BCL7A: variants seen among roughly 807,000 people sequenced by gnomAD.
The protein encoded by BCL7A is BAF chromatin remodeling complex subunit BCL7A, also known as B-cell CLL/lymphoma 7 protein family member A.
Under a neutral mutation model 28.4 loss-of-function variants are expected in BCL7A, and 11 were observed. The ratio of observed to expected loss-of-function variants is 0.39; its 90% CI spans 0.24 to 0.64. BCL7A has a LOEUF of 0.64. BCL7A is among the 30% of genes least tolerant of loss of function. The probability of loss-of-function intolerance (pLI) is 0.50; values close to 1 mark genes in which losing one functional copy is unlikely to be tolerated. For synonymous variants in BCL7A, 123 were observed against 103.3 expected (o/e 1.19, Z -1.15); for missense variants, 222 against 274.8 (o/e 0.81, Z 1.36).
intron 1 of BCL7A, among the ~76,000 whole-genome samples, chr12:122,022,651 C>T (rs1883492483): frequency 6.8e-6 from 1 of 146,356 alleles, no homozygotes; most frequent in South Asian, 2.1e-4. Context: ...CCGCCGTCTC[C>T]TCCCCGCGCA....
chr12:122,047,954 A>T (rs1593033318), intron 4 of BCL7A, among the ~76,000 whole-genome samples: 1 of 125,734 alleles, frequency 8.0e-6, no homozygotes, highest in Non-Finnish European at 1.6e-5. Context: ...CCCAGGCTGG[A>T]GTGCAATGGT....
At chr12:122,053,471 C>G (rs1010129660) in intron 4 of BCL7A, among the ~76,000 whole-genome samples, 6 of 152,148 alleles carry the variant, frequency 3.9e-5, no homozygotes, top group African/African-American at 1.2e-4. Flanking sequence ...TTATTTTCCC[C>G]TTTGTTATTA....
chr12:122,043,959 C>G lies in BCL7A; in HGVS notation c.345C>G (p.Pro115=), dbSNP rs141114357. The change falls in exon 4 of 6, where the codon CCC becomes CCG. Residue 115 remains proline, a synonymous_variant. Transcript: ENST00000261822. ...IKQENSSNSS[P]APEPNSAVPS... ...AGGAGAACAGCAGCAACTCCAGCCC[C>G]GCTCCAGAGCCCAACTCGGCTGTGC... 6.2e-7 allele frequency: 1 copy of G among 1,613,852 alleles called. No homozygotes were observed. The highest frequency in any genetic ancestry group is 8.5e-7 in the Non-Finnish European group (1 of 1,180,026).
intron 4 of BCL7A, among the ~76,000 whole-genome samples, chr12:122,046,339 A>G (rs1593032504): frequency 6.6e-6 from 1 of 152,268 alleles, no homozygotes; most frequent in South Asian, 2.1e-4. Flanking sequence ...GGAATGTGGA[A>G]TGGCAAATGT....
At chr12:122,023,188 A>C (rs563449364) in intron 1 of BCL7A, among the ~76,000 whole-genome samples, 2 of 152,238 alleles carry the variant, frequency 1.3e-5, no homozygotes, top group Admixed American at 6.5e-5. Context: ...GCGCAAGCAG[A>C]TCGCCAGGTT....
chr12:122,048,437 G>C (rs1884121043), intron 4 of BCL7A, among the ~76,000 whole-genome samples: 1 of 152,062 alleles, frequency 6.6e-6, no homozygotes, highest in Admixed American at 6.6e-5. Flanking sequence ...AGGAGTTGCT[G>C]TCTTGACCTG....
intron 4 of BCL7A, among the ~76,000 whole-genome samples, chr12:122,049,812 G>A (rs1450916917): frequency 6.6e-6 from 1 of 152,114 alleles, no homozygotes; most frequent in African/African-American, 2.4e-5. Context: ...AGGTGGCTCT[G>A]CAGGCTGCGT....
intron 1 of BCL7A, among the ~76,000 whole-genome samples, chr12:122,027,751 C>T (rs1376015460): frequency 6.6e-6 from 1 of 151,872 alleles, no homozygotes; most frequent in Non-Finnish European, 1.5e-5. Flanking sequence ...GCAGGAGAAT[C>T]GCTTGAACCC....
At position 122,060,692 on chromosome 12, in the gene BCL7A, A is replaced by C. The variant is rs1330254032; in HGVS notation, c.*1529A>C. ...TGTTTTTGGGGGCTAATTGGTGCAT[A>C]TTCAGGTACCACCTTTGACGTGTGG... On this transcript the variant is annotated 3_prime_UTR_variant, in exon 6 of 6. Coordinates refer to ENST00000261822, the MANE Select transcript of BCL7A (RefSeq NM_001024808.3). 4.3e-6 allele frequency: 1 copy of C among 232,856 alleles called. No individual in the cohort carries two copies. Among genetic ancestry groups the C allele is most frequent in the Non-Finnish European group, 8.5e-6 (1 of 117,846 alleles). 14.4% of individuals were successfully genotyped at this position (232,856 alleles called of 1,614,324 possible).
At chr12:122,044,765 G>A (rs571013305) in intron 4 of BCL7A, among the ~76,000 whole-genome samples, 3 of 151,332 alleles carry the variant, frequency 2.0e-5, no homozygotes, top group Non-Finnish European at 4.4e-5. Flanking sequence ...GTTGGAGGCT[G>A]CAGTGAGCCG....
rs567527972 is a variant in BCL7A, at chr12:122,051,347, C to A, written c.440-3458C>A. Among the ~76,000 whole-genome samples, 774 of 152,314 alleles carry A rather than the reference C, an allele frequency of 5.1e-3. 18 individuals are homozygous for A. In the South Asian group the frequency reaches 0.058, roughly 11 times the overall value. ...GCCTTCCCAGGTGGGTGCGTGCTGTCTGCCGGGATGGGGCAGGTCGGCCAC... is the reference window on the plus strand; with the variant it reads ...GCCTTCCCAGGTGGGTGCGTGCTGTATGCCGGGATGGGGCAGGTCGGCCAC... On this transcript the variant is annotated intron_variant, in intron 4 of 5. Coordinates refer to ENST00000261822, the MANE Select transcript of BCL7A (RefSeq NM_001024808.3).
intron 2 of BCL7A, among the ~76,000 whole-genome samples, chr12:122,032,119 C>T (rs1883758394): frequency 6.6e-6 from 1 of 152,216 alleles, no homozygotes; most frequent in Non-Finnish European, 1.5e-5. Context: ...TCCAAAAAGA[C>T]AGGGGCTAAG....
Position 122,059,183 on chromosome 12 carries a change from G to C in BCL7A, c.*20G>C, listed in dbSNP as rs372266845. 6.3e-7 allele frequency: 1 copy of C among 1,596,206 alleles called. No individual in the cohort carries two copies. The highest frequency in any genetic ancestry group is 1.3e-5 in the African/African-American group (1 of 74,542). ...ATGTAGACGATGCTTTAAAGCCTCC[G>C]ATCCATGTTCCATGGAAGGTACATC... On this transcript the variant is annotated 3_prime_UTR_variant, in exon 6 of 6. Coordinates refer to ENST00000261822, the MANE Select transcript of BCL7A (RefSeq NM_001024808.3). This position sits in a 1 kb window ranked among gnomAD's most constrained non-coding sequence, Gnocchi z 4.0.
In BCL7A at chr12:122,029,706, G is replaced by A. The variant is rs982364506; in HGVS notation, c.93-994G>A. 2.6e-5 allele frequency among the ~76,000 whole-genome samples: 4 copies of A among 152,164 alleles called. No individual in the cohort carries two copies. Among genetic ancestry groups the A allele is most frequent in the African/African-American group, 9.7e-5 (4 of 41,446 alleles). ...GATCTGGCAGAGTCTTGATTTAGGA[G>A]CCTCGGTTCCAACCCCAGCCCTGCT... On this transcript the variant is annotated intron_variant, in intron 1 of 5. Transcript: ENST00000261822. This position sits in a 1 kb window ranked among gnomAD's most constrained non-coding sequence, Gnocchi z 4.3.
chr12:122,043,466 C>A (rs1222464133), intron 3 of BCL7A, among the ~76,000 whole-genome samples: 1 of 151,804 alleles, frequency 6.6e-6, no homozygotes, highest in Non-Finnish European at 1.5e-5. Context: ...GGAGGCGTAT[C>A]CAGTATCCAG....
intron 3 of BCL7A, among the ~76,000 whole-genome samples, chr12:122,040,457 G>A (rs1035360651): frequency 1.3e-4 from 20 of 151,274 alleles, no homozygotes; most frequent in Middle Eastern, 3.2e-3. Flanking sequence ...CCCTTGAATC[G>A]GGAAGGGGAG....
intron 1 of BCL7A, among the ~76,000 whole-genome samples, chr12:122,023,117 T>G (rs1883510978): frequency 1.3e-5 from 2 of 152,322 alleles, no homozygotes; most frequent in African/African-American, 4.8e-5. Flanking sequence ...ATTAAGGGGA[T>G]CGAACCTTTC....
At chr12:122,051,360 G>A (rs1180519227) in intron 4 of BCL7A, among the ~76,000 whole-genome samples, 2 of 152,214 alleles carry the variant, frequency 1.3e-5, no homozygotes, top group Non-Finnish European at 2.9e-5. Context: ...CCGGGATGGG[G>A]CAGGTCGGCC....
intron 4 of BCL7A, among the ~76,000 whole-genome samples, chr12:122,050,607 C>T (rs1477631212): frequency 6.6e-6 from 1 of 152,166 alleles, no homozygotes; most frequent in Non-Finnish European, 1.5e-5. Flanking sequence ...GGACACTCAC[C>T]AGCTGTGTGG....
Sources: gnomAD v4.1 joint callset for allele counts (sites outside exome capture counted in the v4.1 genomes callset) on GRCh38, gnomAD v4.1.1 for gene constraint, Gnocchi (gnomAD v3.1) non-coding constraint, MANE v1.5 for transcripts, NCBI Gene and HGNC (gene_info 2026-07-23, HGNC 2026-07-21) for gene names.